The following MCPH1 variants were observed in gnomAD, a reference collection of about 807,000 sequenced individuals.
MCPH1 encodes the protein microcephalin 1, also known as microcephalin.
Under a neutral mutation model 84.5 loss-of-function variants are expected in MCPH1, and 104 were observed. That is an observed-to-expected ratio of 1.23 (90% confidence interval 1.05 to 1.45). MCPH1 has a LOEUF of 1.45. Among genes scored for constraint, MCPH1 ranks in the 40% most tolerant of loss-of-function variants. The pLI is 0.00. For missense variants in MCPH1, 1,498 were observed against 1,005.7 expected (o/e 1.49, Z -6.62); for synonymous variants, 514 against 366.8 (o/e 1.40, Z -4.58).
chr8:6,447,313 A>G (rs796253444), intron 8 of MCPH1: 7 of 985,294 alleles, frequency 7.1e-6, no homozygotes, highest in East Asian at 1.1e-4. Flanking sequence ...TGCACACTCT[A>G]TATCTGGTGA....
intron 12 of MCPH1, among the ~76,000 whole-genome samples, chr8:6,513,341 T>C (rs1022615611): frequency 4.0e-5 from 6 of 151,294 alleles, no homozygotes; most frequent in Non-Finnish European, 5.9e-5. Flanking sequence ...TTTTCTTTTT[T>C]TTTTTTTTTG....
chr8:6,625,667 C>T, intron 13 of MCPH1: 3 of 985,172 alleles, frequency 3.0e-6, no homozygotes, highest in Non-Finnish European at 2.4e-6. Context: ...CGTGGTGGCC[C>T]ATGCCTGTTG....
chr8:6,519,898 G>A lies in MCPH1; in HGVS notation c.2214+19969G>A, dbSNP rs61733318. ...TTCTGTAGAATTAGGGAATGTTAAC[G>A]TGTAGATGCCATTCGTGGTGTGTCC... On this transcript the variant is annotated intron_variant, in intron 12 of 13. Coordinates refer to ENST00000344683, the MANE Select transcript of MCPH1 (RefSeq NM_024596.5). 166 of 1,614,072 alleles carry A rather than the reference G, an allele frequency of 1.0e-4. No homozygotes were observed. The African/African-American group carries it at 1.6e-3, about 16-fold the overall frequency.
At chr8:6,517,560 A>T (rs1276487410) in intron 12 of MCPH1, among the ~76,000 whole-genome samples, 1 of 152,230 alleles carries the variant, frequency 6.6e-6, no homozygotes, top group Non-Finnish European at 1.5e-5. Flanking sequence ...TTCTTGAATT[A>T]GATAAATGAG....
chr8:6,448,854 G>A (rs1288311300), intron 8 of MCPH1, among the ~76,000 whole-genome samples: 1 of 152,136 alleles, frequency 6.6e-6, no homozygotes, highest in Non-Finnish European at 1.5e-5. Flanking sequence ...CATGGGCAAA[G>A]AGACCAAATC....
intron 13 of MCPH1, among the ~76,000 whole-genome samples, chr8:6,638,708 C>T (rs1414746894): frequency 2.0e-5 from 3 of 152,112 alleles, no homozygotes; most frequent in African/African-American, 7.2e-5. Flanking sequence ...CCTACGGCCA[C>T]ATTTTATGGG....
chr8:6,530,181 T>G (rs1027367446), intron 12 of MCPH1, among the ~76,000 whole-genome samples: 1 of 152,110 alleles, frequency 6.6e-6, no homozygotes, highest in Non-Finnish European at 1.5e-5. Context: ...TCATTACTAA[T>G]TTATTTTAAT....
chr8:6,519,193 C>G (rs1002331861), intron 12 of MCPH1, among the ~76,000 whole-genome samples: 2 of 152,216 alleles, frequency 1.3e-5, no homozygotes, highest in African/African-American at 4.8e-5. Context: ...CAGCGGTTCT[C>G]ATGGTGTGGA....
At position 6,527,520 on chromosome 8, in the gene MCPH1, G is replaced by C. The variant is rs770700589; in HGVS notation, c.2214+27591G>C. 3.7e-6 allele frequency: 6 copies of C among 1,604,850 alleles called. No individual in the cohort carries two copies. The African/African-American group carries it at 4.0e-5, about 11-fold the overall frequency. On this transcript the variant is annotated intron_variant, in intron 12 of 13. Transcript: ENST00000344683. Reference sequence around the variant, plus strand: ...GACTTTCATATCTGGAAAGTGTGCAGTCCTGAATTATAAATGTTTTAGTAC... The same window carrying C: ...GACTTTCATATCTGGAAAGTGTGCACTCCTGAATTATAAATGTTTTAGTAC...
At chr8:6,491,002 ACTT>A in intron 11 of MCPH1, among the ~76,000 whole-genome samples, 1 of 149,128 alleles carries the variant, frequency 6.7e-6, no homozygotes, top group East Asian at 1.9e-4. Context: ...AATATTAAAT[ACTT>A]AATATTAAAT....
intron 12 of MCPH1, among the ~76,000 whole-genome samples, chr8:6,518,824 A>G (rs1816786798): frequency 6.6e-6 from 1 of 152,198 alleles, no homozygotes; most frequent in Non-Finnish European, 1.5e-5. Flanking sequence ...GTAGTTACAT[A>G]ACACTTCACC....
intron 12 of MCPH1, among the ~76,000 whole-genome samples, chr8:6,566,766 G>A (rs929196024): frequency 4.0e-5 from 6 of 149,646 alleles, no homozygotes; most frequent in South Asian, 4.3e-4. Flanking sequence ...ATGTGTGATT[G>A]GCATGACCAT....
At chr8:6,576,498 T>TCCCTTCCCTTTC (rs1827111355) in intron 12 of MCPH1, among the ~76,000 whole-genome samples, 1 of 139,712 alleles carries the variant, frequency 7.2e-6, no homozygotes, top group Non-Finnish European at 1.5e-5. Context: ...CTTTTCCCTT[T>TCCCTTCCCTTTC]CCCTTCCCCT....
chr8:6,513,637 A>C (rs756919433), intron 12 of MCPH1: 4 of 1,576,102 alleles, frequency 2.5e-6, no homozygotes, highest in Non-Finnish European at 2.6e-6. Flanking sequence ...CCGGCCACAA[A>C]TCTTTTAATT....
chr8:6,557,330 T>C (rs779529904), intron 12 of MCPH1, among the ~76,000 whole-genome samples: 1 of 152,130 alleles, frequency 6.6e-6, no homozygotes, highest in Non-Finnish European at 1.5e-5. Flanking sequence ...ATACCTACCA[T>C]ACTTGTGTAC....
intron 11 of MCPH1, among the ~76,000 whole-genome samples, chr8:6,493,851 C>G (rs1220284804): frequency 6.6e-6 from 1 of 152,162 alleles, no homozygotes; most frequent in Admixed American, 6.5e-5. Flanking sequence ...CATCGTCAAG[C>G]TGTTAGTCAA....
intron 12 of MCPH1, among the ~76,000 whole-genome samples, chr8:6,547,120 C>T (rs536285889): frequency 7.9e-5 from 12 of 151,452 alleles, no homozygotes; most frequent in African/African-American, 2.9e-4. Context: ...TTACAAAACT[C>T]ATGTGGCCTA....
Position 6,647,415 on chromosome 8 carries a change from C to T in MCPH1, c.*4366C>T, listed in dbSNP as rs1034158310. On this transcript the variant is annotated 3_prime_UTR_variant, in exon 14 of 14. Coordinates refer to ENST00000344683, the MANE Select transcript of MCPH1 (RefSeq NM_024596.5). Reference sequence around the variant, plus strand: ...CAACTACCATATGACCCAGCAATTTCACTCTCAGGTATATAACCAAAATAC... The same window carrying T: ...CAACTACCATATGACCCAGCAATTTTACTCTCAGGTATATAACCAAAATAC... 1 of 152,184 alleles carries T rather than the reference C, an allele frequency of 6.6e-6. No individual in the cohort carries two copies. Among genetic ancestry groups the T allele is most frequent in the African/African-American group, 2.4e-5 (1 of 41,446 alleles). The allele number at this position is 152,184 out of a possible 1,614,324, so 9.4% of individuals were successfully genotyped here. A position where few individuals can be genotyped will look rare whatever the true frequency, so the allele number is the denominator to read the frequency against.
intron 13 of MCPH1, among the ~76,000 whole-genome samples, chr8:6,639,695 A>T: frequency 6.6e-6 from 1 of 152,266 alleles, no homozygotes. Context: ...TTTACATAGA[A>T]ATAAATGTAT....
Sources: gnomAD v4.1 joint callset for allele counts (sites outside exome capture counted in the v4.1 genomes callset) on GRCh38, gnomAD v4.1.1 for gene constraint, MANE v1.5 for transcripts, NCBI Gene and HGNC (gene_info 2026-07-23, HGNC 2026-07-21) for gene names.